Variants in CDKAL1 observed in about 807,000 individuals in gnomAD.
The protein encoded by CDKAL1 is CDKAL1 threonylcarbamoyladenosine tRNA methylthiotransferase, also known as threonylcarbamoyladenosine tRNA methylthiotransferase.
A neutral mutation model predicts 68.2 loss-of-function variants in CDKAL1; 32 were observed. That is an observed-to-expected ratio of 0.47 (90% CI 0.35 to 0.63). The LOEUF (loss-of-function observed/expected upper bound fraction) is 0.63. Ranked by LOEUF, CDKAL1 falls within the 30% of genes least tolerant of loss-of-function variation. The probability of loss-of-function intolerance (pLI) is 0.00; values close to 1 mark genes in which losing one functional copy is unlikely to be tolerated. For synonymous variants in CDKAL1, 234 were observed against 244.3 expected, an observed-to-expected ratio of 0.96 and a Z score of 0.39; for missense variants, 606 against 696.7, an observed-to-expected ratio of 0.87 and a Z score of 1.47.
At chr6:20,932,091 T>C (rs994834346) in intron 9 of CDKAL1, among the ~76,000 whole-genome samples, 2 of 152,218 alleles carry the variant, frequency 1.3e-5, no homozygotes, top group East Asian at 1.9e-4. Context: ...TAATCATTTC[T>C]AAGCTATTTT....
intron 6 of CDKAL1, among the ~76,000 whole-genome samples, chr6:20,753,345 G>T (rs1403761606): frequency 6.4e-5 from 2 of 31,370 alleles, no homozygotes; most frequent in African/African-American, 1.7e-4. Context: ...CAGGCACCAC[G>T]TAACAAACTT....
intron 11 of CDKAL1, among the ~76,000 whole-genome samples, chr6:21,005,070 TG>T (rs1208245094): frequency 6.6e-6 from 1 of 152,246 alleles, no homozygotes; most frequent in Admixed American, 6.5e-5. Context: ...ATTACTGAGA[TG>T]TTTTTTAAAG....
In CDKAL1 at chr6:21,012,487, A is replaced by G. The variant is rs547769757; in HGVS notation, c.1055+12115A>G. ...TCAGGAAGTCCAGGTGTGGCTTTCC[A>G]TGGGCTGATGGATATAAGCTAAAAA... On this transcript the variant is annotated intron_variant, in intron 11 of 15. Coordinates refer to ENST00000274695, the MANE Select transcript of CDKAL1 (RefSeq NM_017774.3). Among the ~76,000 whole-genome samples the G allele has an allele frequency of 9.2e-5, 14 of 152,290 alleles. No homozygotes were observed. The East Asian group carries it at 2.7e-3, about 29-fold the overall frequency.
intron 9 of CDKAL1, among the ~76,000 whole-genome samples, chr6:20,846,716 G>A (rs983651314): frequency 2.6e-5 from 4 of 152,196 alleles, no homozygotes; most frequent in Non-Finnish European, 5.9e-5. Flanking sequence ...TGATTTGTGT[G>A]GGGTGGCCAA....
intron 13 of CDKAL1, among the ~76,000 whole-genome samples, chr6:21,148,621 AT>A (rs1776280748): frequency 6.6e-6 from 1 of 152,072 alleles, no homozygotes; most frequent in African/African-American, 2.4e-5. Context: ...TTCTGGATAT[AT>A]TTTTCTTTTT....
intron 6 of CDKAL1, among the ~76,000 whole-genome samples, chr6:20,758,248 T>C (rs1270636282): frequency 6.6e-6 from 1 of 152,218 alleles, no homozygotes; most frequent in Non-Finnish European, 1.5e-5. Flanking sequence ...CCATTTTTTT[T>C]CCTGAAGCTC....
chr6:21,183,820 C>G (rs191593266), intron 13 of CDKAL1, among the ~76,000 whole-genome samples: 2 of 152,288 alleles, frequency 1.3e-5, no homozygotes, highest in East Asian at 3.9e-4. Context: ...GAAGACAACT[C>G]AAGACCCAAG....
In CDKAL1 at chr6:20,745,930, G is replaced by T. The variant is rs76244028; in HGVS notation, c.468+6315G>T. Among the ~76,000 whole-genome samples the T allele has an allele frequency of 2.6e-3, 390 of 152,184 alleles. 12 individuals carry two copies. In the East Asian group the frequency reaches 0.064, roughly 25 times the overall value. On this transcript the variant is annotated intron_variant, in intron 6 of 15. Coordinates refer to ENST00000274695, the MANE Select transcript of CDKAL1 (RefSeq NM_017774.3). ...TAATATTACTCTGTGTTTAACTTTG[G>T]TATCACTTTTTAAATTATCTTTTAA...
chr6:20,968,333 A>AT (rs1481095204), intron 10 of CDKAL1, among the ~76,000 whole-genome samples: 2 of 151,090 alleles, frequency 1.3e-5, no homozygotes, highest in Non-Finnish European at 3.0e-5. Context: ...TAGTTTCTGT[A>AT]TTTTTTATAG....
intron 12 of CDKAL1, among the ~76,000 whole-genome samples, chr6:21,073,192 G>A (rs572390824): frequency 1.3e-5 from 2 of 152,108 alleles, no homozygotes; most frequent in Non-Finnish European, 2.9e-5. Flanking sequence ...ATATTTCATT[G>A]TGTGGACGTA....
chr6:21,130,295 G>C (rs193074920), intron 13 of CDKAL1, among the ~76,000 whole-genome samples: 54 of 146,016 alleles, frequency 3.7e-4, no homozygotes, highest in African/African-American at 1.3e-3. Context: ...TGCGATCTCA[G>C]CTCACTGCAA....
intron 15 of CDKAL1, among the ~76,000 whole-genome samples, chr6:21,212,058 G>A (rs1470275075): frequency 6.6e-6 from 1 of 152,150 alleles, no homozygotes; most frequent in Admixed American, 6.5e-5. Flanking sequence ...TCCGTGCCTG[G>A]CTACATGTGG....
intron 5 of CDKAL1, among the ~76,000 whole-genome samples, chr6:20,687,145 C>T (rs1186196737): frequency 2.6e-5 from 4 of 151,794 alleles, no homozygotes; most frequent in African/African-American, 9.7e-5. Context: ...CAATAGTTTT[C>T]TTGTGTTGTC....
At chr6:20,954,017 T>C (rs1046494486) in intron 9 of CDKAL1, among the ~76,000 whole-genome samples, 11 of 152,346 alleles carry the variant, frequency 7.2e-5, no homozygotes, top group Admixed American at 5.9e-4. Flanking sequence ...ATCTTATTTC[T>C]ATCCTTGTAT....
chr6:20,650,250 G>A (rs1047713829), intron 5 of CDKAL1, among the ~76,000 whole-genome samples: 11 of 152,102 alleles, frequency 7.2e-5, no homozygotes, highest in African/African-American at 1.9e-4. Context: ...TTTAATAATC[G>A]CCATTCTGAC....
chr6:20,666,686 T>A (rs923409633), intron 5 of CDKAL1, among the ~76,000 whole-genome samples: 43 of 104,692 alleles, frequency 4.1e-4, no homozygotes, highest in Non-Finnish European at 7.1e-4. Flanking sequence ...TTCCAAAGAA[T>A]CCTTTTTTTT....
chr6:20,704,844 T>G (rs1284209791), intron 5 of CDKAL1, among the ~76,000 whole-genome samples: 1 of 152,232 alleles, frequency 6.6e-6, no homozygotes, highest in Non-Finnish European at 1.5e-5. Context: ...CTGTGTAAAT[T>G]GTTGAATTTA....
intron 10 of CDKAL1, among the ~76,000 whole-genome samples, chr6:20,984,289 G>C (rs1447003390): frequency 6.6e-6 from 1 of 152,166 alleles, no homozygotes; most frequent in Non-Finnish European, 1.5e-5. Context: ...CTACTTGCTT[G>C]GTCCTGCTGT....
At chr6:20,734,293 T>G (rs1288164203) in intron 5 of CDKAL1, among the ~76,000 whole-genome samples, 4 of 152,126 alleles carry the variant, frequency 2.6e-5, no homozygotes, top group African/African-American at 9.7e-5. Context: ...CCTCTCTTTA[T>G]TTAGAAATAT....
Sources: allele counts gnomAD v4.1 joint callset (sites outside exome capture counted in the v4.1 genomes callset), GRCh38; gene constraint gnomAD v4.1.1; transcripts MANE v1.5; gene names NCBI Gene and HGNC (gene_info 2026-07-23, HGNC 2026-07-21).